ATAD2B: variants seen among roughly 807,000 people sequenced by gnomAD.
ATAD2B encodes ATPase family AAA domain-containing protein 2B.
A neutral mutation model predicts 167.6 loss-of-function variants in ATAD2B; 40 were observed. That is an observed-to-expected ratio of 0.24 (90% CI 0.19 to 0.31). The LOEUF is 0.31. ATAD2B is among the 10% of genes least tolerant of loss of function. The pLI is 1.00. For synonymous variants in ATAD2B, 579 were observed against 596.5 expected, an observed-to-expected ratio of 0.97 and a Z score of 0.43; for missense variants, 1,242 against 1,757.2, an observed-to-expected ratio of 0.71 and a Z score of 5.24.
chr2:23,817,643 C>T (rs906885431), intron 17 of ATAD2B, among the ~76,000 whole-genome samples: 38 of 152,264 alleles, frequency 2.5e-4, no homozygotes, highest in African/African-American at 8.9e-4. Context: ...GCATCTCATA[C>T]AATGCCTGGC....
At chr2:23,868,173 G>A (rs1695421147) in intron 9 of ATAD2B, among the ~76,000 whole-genome samples, 1 of 151,928 alleles carries the variant, frequency 6.6e-6, no homozygotes, top group Admixed American at 6.6e-5. Context: ...TAATCTATTT[G>A]CCCGAAGAGC....
chr2:23,740,397 A>G, the ATAD2B span, among the ~76,000 whole-genome samples: 1 of 152,242 alleles, frequency 6.6e-6, no homozygotes, highest in African/African-American at 2.4e-5. Flanking sequence ...CTGGTTCAAC[A>G]TACGCAAATC....
chr2:23,771,053 T>C (rs370384899), intron 22 of ATAD2B, among the ~76,000 whole-genome samples: 18 of 152,246 alleles, frequency 1.2e-4, no homozygotes, highest in African/African-American at 3.6e-4. Context: ...ATGCCTTTTG[T>C]CAGATTTATC....
chr2:23,837,528 A>G (rs996472640), intron 13 of ATAD2B, among the ~76,000 whole-genome samples: 6 of 152,160 alleles, frequency 3.9e-5, no homozygotes, highest in African/African-American at 1.4e-4. Flanking sequence ...CCGACTCAAA[A>G]GGGGTGGGAT....
the ATAD2B span, among the ~76,000 whole-genome samples, chr2:23,738,903 G>A: frequency 2.0e-5 from 3 of 152,134 alleles, no homozygotes; most frequent in African/African-American, 7.2e-5. Flanking sequence ...TGCAATCCTA[G>A]TCTCTGATAA....
Position 23,768,948 on chromosome 2 carries a change from A to G in ATAD2B, c.3134-3320T>C, listed in dbSNP as rs1677869857. Among the ~76,000 whole-genome samples the G allele has an allele frequency of 2.6e-5, 4 of 152,218 alleles. No homozygotes were observed. The South Asian group carries it at 8.3e-4, about 32-fold the overall frequency. On this transcript the variant is annotated intron_variant, in intron 22 of 27. Coordinates refer to ENST00000238789, the MANE Select transcript of ATAD2B (RefSeq NM_017552.4). ...GTGATAATTCTGAGTTTTGGCTATT[A>G]TAAACAAAGTCACTATAAACATTGA... is the stretch of plus-strand genomic sequence containing the variant.
At chr2:23,857,918 A>G (rs1252339116) in intron 12 of ATAD2B, among the ~76,000 whole-genome samples, 3 of 149,342 alleles carry the variant, frequency 2.0e-5, no homozygotes, top group East Asian at 2.0e-4. Flanking sequence ...ATTTTGTTGT[A>G]TTTTTTAGTA....
At chr2:23,805,015 C>T (rs1383393916) in intron 18 of ATAD2B, among the ~76,000 whole-genome samples, 2 of 151,470 alleles carry the variant, frequency 1.3e-5, no homozygotes, top group African/African-American at 2.4e-5. Flanking sequence ...TGGTGGTGGG[C>T]GCCTATAATC....
the ATAD2B span, chr2:23,703,177 C>T: frequency 1.4e-6 from 2 of 1,421,274 alleles, no homozygotes; most frequent in Non-Finnish European, 9.2e-7. Context: ...TTTTTCTCCT[C>T]TCCTGCAGGT....
chr2:23,708,882 A>G, the ATAD2B span, among the ~76,000 whole-genome samples: 1 of 152,302 alleles, frequency 6.6e-6, no homozygotes, highest in East Asian at 1.9e-4. Flanking sequence ...CACTTGTGCA[A>G]CTGAAAGCTT....
At chr2:23,682,700 G>A in the ATAD2B span, among the ~76,000 whole-genome samples, 1,514 of 144,218 alleles carry the variant, frequency 0.01, 15 homozygotes, top group Non-Finnish European at 0.016. The surrounding 1 kb of genome is among the most constrained non-coding windows in gnomAD (Gnocchi z 4.1). Context: ...GCACCCTCCC[G>A]CGCCCTCCCA....
chr2:23,850,372 T>C (rs1223171728), intron 13 of ATAD2B, among the ~76,000 whole-genome samples: 3 of 152,172 alleles, frequency 2.0e-5, no homozygotes, highest in Non-Finnish European at 2.9e-5. Context: ...CTGTGGGATG[T>C]AGCTAAAGCA....
In ATAD2B at chr2:23,922,092, T is replaced by C. The variant is rs1436071086; in HGVS notation, c.216+4463A>G. Among the ~76,000 whole-genome samples, 6 of 152,256 alleles carry C rather than the reference T, an allele frequency of 3.9e-5. 1 individual carries two copies. The highest frequency in any genetic ancestry group is 7.4e-5 in the Non-Finnish European group (5 of 68,012). ...TACAGCATTTTACTTCTAAAGTTACTCAAAATATTTATTTTGATCTCACAA... is the reference window on the plus strand; with the variant it reads ...TACAGCATTTTACTTCTAAAGTTACCCAAAATATTTATTTTGATCTCACAA... On this transcript the variant is annotated intron_variant, in intron 1 of 27. Coordinates refer to ENST00000238789, the MANE Select transcript of ATAD2B (RefSeq NM_017552.4).
At chr2:23,687,347 G>A in the ATAD2B span, among the ~76,000 whole-genome samples, 1 of 152,228 alleles carries the variant, frequency 6.6e-6, no homozygotes, top group Non-Finnish European at 1.5e-5. Context: ...CCTGGGACAG[G>A]TGATGTGTCC....
At chr2:23,808,848 TAC>T (rs1685072487) in intron 18 of ATAD2B, 1 of 152,200 alleles carries the variant, frequency 6.6e-6, no homozygotes, top group South Asian at 2.1e-4. Flanking sequence ...GAGATTGGTC[TAC>T]AGTTTTATTT....
intron 16 of ATAD2B, 54 bp from the exon 17 acceptor site, chr2:23,819,936 T>C: frequency 7.5e-7 from 1 of 1,329,346 alleles, no homozygotes; most frequent in Non-Finnish European, 1.0e-6. Context: ...TTAATATTCG[T>C]GCCCTACCAA....
the ATAD2B span, among the ~76,000 whole-genome samples, chr2:23,728,676 C>G: frequency 2.0e-5 from 3 of 152,060 alleles, no homozygotes; most frequent in Non-Finnish European, 2.9e-5. Flanking sequence ...ACACTATAAT[C>G]AAATTTTGAA....
the ATAD2B span, chr2:23,695,935 A>G: frequency 1.9e-6 from 3 of 1,550,160 alleles, no homozygotes; most frequent in South Asian, 1.2e-5. The surrounding 1 kb of genome is among the most constrained non-coding windows in gnomAD (Gnocchi z 7.6). Flanking sequence ...AAGGGCGCCC[A>G]TCCATGTCCC....
chr2:23,728,075 T>A, the ATAD2B span, among the ~76,000 whole-genome samples: 1 of 152,162 alleles, frequency 6.6e-6, no homozygotes, highest in African/African-American at 2.4e-5. Context: ...TAATGATGTA[T>A]GAATATTTGC....
Sources: allele counts gnomAD v4.1 joint callset (sites outside exome capture counted in the v4.1 genomes callset), GRCh38; gene constraint gnomAD v4.1.1; non-coding constraint Gnocchi (gnomAD v3.1); transcripts MANE v1.5; gene names NCBI Gene and HGNC (gene_info 2026-07-23, HGNC 2026-07-21).